ABL2: variants seen among roughly 807,000 people sequenced by gnomAD.
ABL2 encodes ABL proto-oncogene 2, non-receptor tyrosine kinase.
A neutral mutation model predicts 107.7 loss-of-function variants in ABL2; 49 were observed. The observed-to-expected ratio is 0.45, with a 90% confidence interval of 0.36 to 0.58. ABL2 has a LOEUF of 0.58. Ranked by LOEUF, ABL2 falls within the 20% of genes least tolerant of loss-of-function variation. ABL2 has a pLI of 0.00. For missense variants in ABL2, 1,245 were observed against 1,457.0 expected (o/e 0.85, Z 2.37); for synonymous variants, 549 against 548.6 (o/e 1.00, Z -0.01).
At chr1:179,193,286 T>C (rs955950833) in intron 1 of ABL2, among the ~76,000 whole-genome samples, 1 of 151,722 alleles carries the variant, frequency 6.6e-6, no homozygotes, top group African/African-American at 2.4e-5. Flanking sequence ...TTTCTAAACT[T>C]TAAAAATGTA....
In ABL2 at chr1:179,106,805, A is replaced by T. The variant is rs1432010714; in HGVS notation, c.*913T>A. On this transcript the variant is annotated 3_prime_UTR_variant, in exon 12 of 12. Transcript: ENST00000502732. The stretch of plus-strand genomic sequence containing the variant: ...GGGGAACTGTATCAGAACAGGATTC[A>T]TTCCTTTGTGAGAACCTGTAGGGAC... 1.3e-5 allele frequency: 3 copies of T among 231,486 alleles called. No individual in the cohort carries two copies. The highest frequency in any genetic ancestry group is 1.7e-5 in the Non-Finnish European group (2 of 117,048). 14.3% of individuals were successfully genotyped at this position (231,486 alleles called of 1,614,324 possible). A position where few individuals can be genotyped will look rare whatever the true frequency, so the allele number is the denominator to read the frequency against.
intron 1 of ABL2, among the ~76,000 whole-genome samples, chr1:179,182,181 T>C (rs1008083303): frequency 1.7e-4 from 26 of 152,020 alleles, no homozygotes; most frequent in African/African-American, 6.3e-4. Context: ...TGGTCCATCA[T>C]TATAATCACT....
chr1:179,110,983 T>C, intron 10 of ABL2: 6 of 161,380 alleles, frequency 3.7e-5, no homozygotes, highest in Non-Finnish European at 4.7e-5. Flanking sequence ...TTTTTGGCTT[T>C]TTTTTTTTTT....
intron 1 of ABL2, among the ~76,000 whole-genome samples, chr1:179,151,071 T>C (rs1322750915): frequency 2.0e-5 from 3 of 152,214 alleles, no homozygotes; most frequent in African/African-American, 7.2e-5. Flanking sequence ...CAGTATAGCA[T>C]GAACACGACT....
intron 1 of ABL2, among the ~76,000 whole-genome samples, chr1:179,166,048 C>A (rs1024704728): frequency 6.6e-6 from 1 of 152,076 alleles, no homozygotes; most frequent in African/African-American, 2.4e-5. Flanking sequence ...CTGCCCGCCT[C>A]GGCCTCCCTA....
chr1:179,197,730 GTGGTGGCA>G (rs1465175998), intron 1 of ABL2, among the ~76,000 whole-genome samples: 1 of 151,916 alleles, frequency 6.6e-6, no homozygotes, highest in Non-Finnish European at 1.5e-5. Flanking sequence ...TTAACCAGGC[GTGGTGGCA>G]TGTGACTGTA....
At chr1:179,115,759 T>C (rs1217211641) in intron 8 of ABL2, among the ~76,000 whole-genome samples, 1 of 152,158 alleles carries the variant, frequency 6.6e-6, no homozygotes, top group African/African-American at 2.4e-5. Flanking sequence ...TAAAGTCAGC[T>C]AATACAAGAG....
chr1:179,152,075 A>G (rs1658395220), intron 1 of ABL2, among the ~76,000 whole-genome samples: 1 of 152,226 alleles, frequency 6.6e-6, no homozygotes, highest in African/African-American at 2.4e-5. Context: ...GGGGAAAGGT[A>G]GTCCAAATTC....
chr1:179,213,231 ACT>A (rs1662385500), intron 1 of ABL2, among the ~76,000 whole-genome samples: 1 of 152,028 alleles, frequency 6.6e-6, no homozygotes, highest in Non-Finnish European at 1.5e-5. Context: ...TTTTTTCCAT[ACT>A]GAGTTTTGAA....
At chr1:179,175,638 T>C (rs1030990194) in intron 1 of ABL2, among the ~76,000 whole-genome samples, 20 of 152,256 alleles carry the variant, frequency 1.3e-4, no homozygotes, top group South Asian at 6.2e-4. Context: ...AGGGAGAAAA[T>C]ATCTAGCTCT....
chr1:179,130,125 A>G (rs1376075196), intron 3 of ABL2, among the ~76,000 whole-genome samples: 5 of 152,152 alleles, frequency 3.3e-5, no homozygotes, highest in Admixed American at 6.5e-5. Flanking sequence ...GTATTTTAGT[A>G]GAGATGGGGT....
chr1:179,143,088 A>G (rs1168498429), intron 1 of ABL2: 13 of 1,600,794 alleles, frequency 8.1e-6, no homozygotes, highest in Non-Finnish European at 1.0e-5. Flanking sequence ...CTGTGTAAAG[A>G]GGAAGTCTTA....
chr1:179,187,751 A>G (rs1660756536), intron 1 of ABL2, among the ~76,000 whole-genome samples: 1 of 152,200 alleles, frequency 6.6e-6, no homozygotes, highest in South Asian at 2.1e-4. Flanking sequence ...AATACTAACT[A>G]AATTTGATAA....
chr1:179,122,344 C>T (rs972872180), intron 4 of ABL2, among the ~76,000 whole-genome samples: 3 of 150,418 alleles, frequency 2.0e-5, no homozygotes, highest in Admixed American at 6.6e-5. Flanking sequence ...AGGTCTCAAA[C>T]GCCAGCCTCA....
chr1:179,107,420 A>C lies in ABL2; in HGVS notation c.*298T>G. 1 of 368,850 alleles carries C rather than the reference A, an allele frequency of 2.7e-6. No homozygotes were observed. The highest frequency in any genetic ancestry group is 4.8e-6 in the Non-Finnish European group (1 of 206,808). 22.8% of individuals were successfully genotyped at this position (368,850 alleles called of 1,614,324 possible). A position where few individuals can be genotyped will look rare whatever the true frequency, so the allele number is the denominator to read the frequency against. ...CCTAGCACTTCCCAGCATTCCAGGTAGGGATGGGCTGCATTGCCTTCCTTA... is the reference window on the plus strand; with the variant it reads ...CCTAGCACTTCCCAGCATTCCAGGTCGGGATGGGCTGCATTGCCTTCCTTA... On this transcript the variant is annotated 3_prime_UTR_variant, in exon 12 of 12. Coordinates refer to ENST00000502732, the MANE Select transcript of ABL2 (RefSeq NM_007314.4).
intron 1 of ABL2, among the ~76,000 whole-genome samples, chr1:179,155,594 G>A (rs993393292): frequency 1.3e-5 from 2 of 151,950 alleles, no homozygotes; most frequent in Non-Finnish European, 2.9e-5. Context: ...AGCCAGGCGT[G>A]GTGGCATATG....
chr1:179,108,133 T>A lies in ABL2; in HGVS notation c.3134A>T (p.Gln1045Leu). 6.2e-7 allele frequency: 1 copy of A among 1,614,236 alleles called. No homozygotes were observed. The highest frequency in any genetic ancestry group is 8.5e-7 in the Non-Finnish European group (1 of 1,180,040). The change falls in exon 12 of 12, where the codon CAA (glutamine) becomes CTA (leucine). Residue 1045 changes from glutamine (Q) to leucine (L), a missense_variant. Gln to Leu is a moderately radical substitution (Grantham distance 113, BLOSUM62 -2). Transcript: ENST00000502732. The part of the protein sequence containing the change: ...KAGRPVMPPP[Q>L]VPLPTSSISP... ...GATGGAAGATGTGGGCAGAGGCACT[T>A]GAGGTGGAGGCATCACTGGCCTCCC...
At chr1:179,203,457 G>C (rs1392985871) in intron 1 of ABL2, among the ~76,000 whole-genome samples, 1 of 151,854 alleles carries the variant, frequency 6.6e-6, no homozygotes, top group Admixed American at 6.6e-5. Flanking sequence ...ATCCTCTCCA[G>C]GTAACTTTCC....
Position 179,160,167 on chromosome 1 carries a change from T to C in ABL2, c.158-26793A>G, listed in dbSNP as rs548238823. On this transcript the variant is annotated intron_variant, in intron 1 of 11. Transcript: ENST00000502732. ...TGTATTTTATATAACTTGTATACCA[T>C]ACTTATATAACTTCTATAATATTCA... 1.1e-4 allele frequency among the ~76,000 whole-genome samples: 16 copies of C among 152,226 alleles called. No homozygotes were observed. In the South Asian group the frequency reaches 3.3e-3, roughly 32 times the overall value.
Sources: gnomAD v4.1 joint callset for allele counts (sites outside exome capture counted in the v4.1 genomes callset) on GRCh38, gnomAD v4.1.1 for gene constraint, MANE v1.5 for transcripts, NCBI Gene and HGNC (gene_info 2026-07-23, HGNC 2026-07-21) for gene names.